The following RORA variants were observed in gnomAD, a reference collection of about 807,000 sequenced individuals.
RORA encodes the protein RAR related orphan receptor A, also known as nuclear receptor ROR-alpha.
Under a neutral mutation model 69.5 loss-of-function variants are expected in RORA, and 7 were observed. The ratio of observed to expected loss-of-function variants is 0.10; its 90% confidence interval spans 0.06 to 0.19. The LOEUF (loss-of-function observed/expected upper bound fraction) is 0.19. Ranked by LOEUF, RORA falls within the 10% of genes least tolerant of loss-of-function variation. The pLI, the probability that RORA is intolerant of heterozygous loss-of-function variation, is 1.00. For missense variants in RORA, 457 were observed against 663.0 expected (o/e 0.69, Z 3.41); for synonymous variants, 261 against 240.8 (o/e 1.08, Z -0.78).
intron 2 of RORA, among the ~76,000 whole-genome samples, chr15:60,547,355 G>C (rs1224549192): frequency 7.0e-6 from 1 of 143,526 alleles, no homozygotes; most frequent in African/African-American, 2.6e-5. Context: ...ATAGGGTCTC[G>C]CTCTGTCACC....
At chr15:60,819,644 C>T (rs186730613) in intron 1 of RORA, among the ~76,000 whole-genome samples, 1 of 152,112 alleles carries the variant, frequency 6.6e-6, no homozygotes, top group African/African-American at 2.4e-5. Flanking sequence ...GAATGCAGTA[C>T]GAGCTTCCTC....
intron 1 of RORA, among the ~76,000 whole-genome samples, chr15:61,130,834 A>G (rs1269928513): frequency 6.6e-6 from 1 of 152,208 alleles, no homozygotes; most frequent in Non-Finnish European, 1.5e-5. Context: ...TCATAATAAA[A>G]TGGGAATCAC....
intron 10 of RORA, among the ~76,000 whole-genome samples, chr15:60,498,497 C>T (rs1377219061): frequency 6.6e-6 from 1 of 152,140 alleles, no homozygotes; most frequent in East Asian, 1.9e-4. Context: ...GTCAGAAGGC[C>T]TGGATGGAGG....
At position 61,008,399 on chromosome 15, in the gene RORA, C is replaced by G. The variant is rs534888745; in HGVS notation, c.166+220654G>C. On this transcript the variant is annotated intron_variant, in intron 1 of 10. Transcript: ENST00000335670. ...CTAAAGAGATCTGGCCATATTCCAG[C>G]TGCACCCACAAGCCAGGTATATCAG... 9.2e-5 allele frequency among the ~76,000 whole-genome samples: 14 copies of G among 152,196 alleles called. No individual in the cohort carries two copies. In the South Asian group the frequency reaches 2.7e-3, roughly 29 times the overall value.
chr15:60,751,969 G>A (rs1449674909), intron 1 of RORA, among the ~76,000 whole-genome samples: 3 of 152,118 alleles, frequency 2.0e-5, no homozygotes, highest in Non-Finnish European at 2.9e-5. Flanking sequence ...CATGTGTGAG[G>A]AGATAGGGAA....
chr15:61,087,890 C>T (rs1289887377), intron 1 of RORA, among the ~76,000 whole-genome samples: 1 of 152,194 alleles, frequency 6.6e-6, no homozygotes, highest in South Asian at 2.1e-4. Flanking sequence ...TGGAGATTGT[C>T]ACAGTGCTTG....
intron 1 of RORA, among the ~76,000 whole-genome samples, chr15:60,971,483 G>A (rs1295837570): frequency 6.6e-6 from 1 of 152,154 alleles, no homozygotes; most frequent in Non-Finnish European, 1.5e-5. Flanking sequence ...TTTGGCCTTG[G>A]ATCCAGACAT....
intron 1 of RORA, among the ~76,000 whole-genome samples, chr15:60,733,042 G>A (rs982492957): frequency 2.0e-5 from 3 of 152,166 alleles, no homozygotes; most frequent in Middle Eastern, 6.3e-3. Flanking sequence ...CTCTGCGGCC[G>A]GCCCCTTTAT....
At chr15:60,575,870 T>A (rs1221281304) in intron 2 of RORA, among the ~76,000 whole-genome samples, 2 of 152,242 alleles carry the variant, frequency 1.3e-5, no homozygotes, top group African/African-American at 4.8e-5. Context: ...TACACTTCTG[T>A]TTCCCAAATT....
rs186557967 is a variant in RORA at position 61,144,686 on chromosome 15, T to G, written c.166+84367A>C. On this transcript the variant is annotated intron_variant, in intron 1 of 10. Transcript: ENST00000335670. ...GTTAATACTGATATTCTTAATGCTG[T>G]TGAGTGGAATATGAAACTCTAGGAT... Among the ~76,000 whole-genome samples the G allele has an allele frequency of 3.7e-3, 568 of 152,336 alleles. 14 individuals are homozygous for G. Among genetic ancestry groups the G allele is most frequent in the East Asian group, 1.5e-3 (8 of 5,188 alleles).
intron 1 of RORA, among the ~76,000 whole-genome samples, chr15:61,119,840 G>A (rs1335501142): frequency 6.6e-6 from 1 of 152,194 alleles, no homozygotes; most frequent in Non-Finnish European, 1.5e-5. Flanking sequence ...TCCAGTCTTT[G>A]TGCTGGAGAA....
chr15:61,221,508 C>T (rs934857159), intron 1 of RORA, among the ~76,000 whole-genome samples: 22 of 152,074 alleles, frequency 1.4e-4, no homozygotes, highest in African/African-American at 5.1e-4. Context: ...ATTTTAAGCC[C>T]GTTTACTTTC....
At chr15:60,693,687 T>G (rs916650417) in intron 1 of RORA, among the ~76,000 whole-genome samples, 7 of 152,120 alleles carry the variant, frequency 4.6e-5, no homozygotes, top group African/African-American at 1.4e-4. Context: ...TGAACTCCCA[T>G]GCAGAAGTGC....
rs114250712 is a variant in RORA, at chr15:61,115,205, G to T, written c.166+113848C>A. Among the ~76,000 whole-genome samples, 1,001 of 152,168 alleles carry T rather than the reference G, an allele frequency of 6.6e-3. 10 individuals carry two copies. Among genetic ancestry groups the T allele is most frequent in the African/African-American group, 0.022 (934 of 41,516 alleles). The stretch of plus-strand genomic sequence containing the variant: ...TATCTCCAGAGTCCACCAGGGAGCT[G>T]GCTTTCGCATCCTTTAATTTGGCTG... On this transcript the variant is annotated intron_variant, in intron 1 of 10. Coordinates refer to ENST00000335670, the MANE Select transcript of RORA (RefSeq NM_134261.3).
At chr15:61,200,776 C>G (rs1377445601) in intron 1 of RORA, among the ~76,000 whole-genome samples, 2 of 152,188 alleles carry the variant, frequency 1.3e-5, no homozygotes, top group Non-Finnish European at 1.5e-5. Flanking sequence ...AGCTGTCAGT[C>G]TAATGCCCCA....
intron 2 of RORA, among the ~76,000 whole-genome samples, chr15:60,592,144 G>A (rs1416713700): frequency 6.6e-6 from 1 of 151,978 alleles, no homozygotes; most frequent in African/African-American, 2.4e-5. Context: ...AGGAGCCGGA[G>A]GGGGCAGCAG....
intron 1 of RORA, among the ~76,000 whole-genome samples, chr15:60,702,794 T>C (rs1479342974): frequency 6.6e-6 from 1 of 152,204 alleles, no homozygotes; most frequent in Non-Finnish European, 1.5e-5. Context: ...TAAAACTTCA[T>C]TCTTGAAGGC....
At chr15:60,812,851 T>C (rs1321298487) in intron 1 of RORA, among the ~76,000 whole-genome samples, 1 of 152,162 alleles carries the variant, frequency 6.6e-6, no homozygotes, top group Non-Finnish European at 1.5e-5. Context: ...ATCTGGACAT[T>C]GGATAGGTGA....
At chr15:60,635,877 C>A (rs904733875) in intron 2 of RORA, among the ~76,000 whole-genome samples, 2 of 152,192 alleles carry the variant, frequency 1.3e-5, no homozygotes, top group African/African-American at 4.8e-5. Flanking sequence ...ATCTCCTATC[C>A]TCTGCCCAAA....
Sources: gnomAD v4.1 joint callset for allele counts (sites outside exome capture counted in the v4.1 genomes callset) on GRCh38, gnomAD v4.1.1 for gene constraint, MANE v1.5 for transcripts, NCBI Gene and HGNC (gene_info 2026-07-23, HGNC 2026-07-21) for gene names.